VPS13B: variants seen among roughly 807,000 people sequenced by gnomAD.
VPS13B encodes intermembrane lipid transfer protein VPS13B.
In VPS13B, 285 loss-of-function variants were observed where a neutral mutation model predicts 426.4. The observed-to-expected ratio is 0.67, with a 90% confidence interval of 0.61 to 0.74. The LOEUF (loss-of-function observed/expected upper bound fraction) is 0.74, where lower values mean the gene tolerates loss of function less well. Among genes scored for constraint, VPS13B ranks in the 30% least tolerant of loss-of-function variants. The pLI is 0.00. For missense variants in VPS13B, 4,537 were observed against 4,782.6 expected, an observed-to-expected ratio of 0.95 and a Z score of 1.51; for synonymous variants, 1,676 against 1,676.4, an observed-to-expected ratio of 1.00 and a Z score of 0.01.
chr8:99,471,353 C>G (rs1819394301), intron 24 of VPS13B, among the ~76,000 whole-genome samples: 2 of 152,032 alleles, frequency 1.3e-5, no homozygotes, highest in South Asian at 4.1e-4. Flanking sequence ...TACAAGACAA[C>G]TATAGCATTA....
At chr8:99,342,099 TA>T (rs1315280347) in intron 19 of VPS13B, among the ~76,000 whole-genome samples, 6 of 152,230 alleles carry the variant, frequency 3.9e-5, no homozygotes, top group Admixed American at 6.5e-5. Context: ...CTTTATTATT[TA>T]AAAAATTACT....
At chr8:99,840,116 A>C (rs746695646) in intron 54 of VPS13B, among the ~76,000 whole-genome samples, 3 of 152,236 alleles carry the variant, frequency 2.0e-5, no homozygotes, top group Non-Finnish European at 2.9e-5. Context: ...CCCTTTTAAA[A>C]ATCTGGCAGC....
Position 99,384,333 on chromosome 8 carries a change from A to G in VPS13B, c.2934+16A>G, listed in dbSNP as rs765243045. 2 of 1,597,238 alleles carry G rather than the reference A, an allele frequency of 1.3e-6. No individual in the cohort carries two copies. Among genetic ancestry groups the G allele is most frequent in the South Asian group, 1.1e-5 (1 of 90,406 alleles). On this transcript the variant is annotated intron_variant, in intron 20 of 61. Transcript: ENST00000357162. ...TATGCAACAGGTAAGAGATTTTTAA[A>G]TAATTTTTTCTGTTAACAAATATTT... is the stretch of plus-strand genomic sequence containing the variant.
chr8:99,507,050 T>C, intron 27 of VPS13B, 87 bp from the exon 28 acceptor site: 1 of 1,458,048 alleles, frequency 6.9e-7, no homozygotes, highest in Non-Finnish European at 9.6e-7. Context: ...TTGTGAACTT[T>C]AGACTTATTT....
intron 6 of VPS13B, among the ~76,000 whole-genome samples, chr8:99,115,317 G>C (rs565731847): frequency 3.1e-4 from 47 of 151,870 alleles, no homozygotes; most frequent in African/African-American, 1.1e-3. Flanking sequence ...TATTATTCTT[G>C]GTTTTGACAG....
chr8:99,429,865 A>G (rs549925676), intron 21 of VPS13B, among the ~76,000 whole-genome samples: 6 of 152,152 alleles, frequency 3.9e-5, no homozygotes, highest in African/African-American at 1.4e-4. Flanking sequence ...AGTTCCCTCA[A>G]GTAAAAACCA....
rs571480777 is a variant in VPS13B, at chr8:99,014,387, G to A, written c.147+452G>A. Among the ~76,000 whole-genome samples, 88 of 151,594 alleles carry A rather than the reference G, an allele frequency of 5.8e-4. 1 individual carries two copies. The highest frequency in any genetic ancestry group is 2.1e-3 in the African/African-American group (87 of 41,414). On this transcript the variant is annotated intron_variant, in intron 2 of 61. Transcript: ENST00000357162. ...CCCGCCTCAGTCTTCCGAAGTGCTGGGATTATAGGCGTGAGCCACCGCGCC... is the reference window on the plus strand; with the variant it reads ...CCCGCCTCAGTCTTCCGAAGTGCTGAGATTATAGGCGTGAGCCACCGCGCC...
At chr8:99,115,961 T>C (rs534662876) in intron 7 of VPS13B, 87 bp downstream of exon 7, 3 of 1,386,500 alleles carry the variant, frequency 2.2e-6, no homozygotes, top group Non-Finnish European at 3.0e-6. Context: ...ATGTATTAGC[T>C]TGAGTTTTAC....
chr8:99,687,970 A>G (rs948992773), intron 35 of VPS13B, among the ~76,000 whole-genome samples: 2 of 151,984 alleles, frequency 1.3e-5, no homozygotes, highest in African/African-American at 4.8e-5. Flanking sequence ...GAAAATGCTG[A>G]AGCAGTATCC....
rs553600365 is a variant in VPS13B, at chr8:99,212,747, A to G, written c.2515+19690A>G. Among the ~76,000 whole-genome samples the G allele has an allele frequency of 1.1e-4, 16 of 152,218 alleles. No homozygotes were observed. In the South Asian group the frequency reaches 2.9e-3, roughly 28 times the overall value. The stretch of plus-strand genomic sequence containing the variant: ...ATATAGTTTGTCAGGATAAAACCCA[A>G]ACTTCTGAGCATGAAATCAAAAGGT... On this transcript the variant is annotated intron_variant, in intron 17 of 61. Transcript: ENST00000357162.
intron 21 of VPS13B, among the ~76,000 whole-genome samples, chr8:99,427,789 T>C (rs1392427931): frequency 6.6e-6 from 1 of 151,822 alleles, no homozygotes; most frequent in Non-Finnish European, 1.5e-5. Context: ...AAAACTACTT[T>C]AAAGTTCATA....
rs185386424 is a variant in VPS13B at position 99,452,482 on chromosome 8, A to T, written c.3445+9847A>T. On this transcript the variant is annotated intron_variant, in intron 23 of 61. Coordinates refer to ENST00000357162, the MANE Select transcript of VPS13B (RefSeq NM_152564.5). ...ACCATTATTTAGCACAACACATGCC[A>T]CAAAAGGGGAGCTCACTGTACATTC... 8.5e-5 allele frequency among the ~76,000 whole-genome samples: 13 copies of T among 152,268 alleles called. No homozygotes were observed. The East Asian group carries it at 2.5e-3, about 29-fold the overall frequency.
At position 99,447,464 on chromosome 8, in the gene VPS13B, T is replaced by G. The variant is rs189090086; in HGVS notation, c.3445+4829T>G. On this transcript the variant is annotated intron_variant, in intron 23 of 61. Transcript: ENST00000357162. The stretch of plus-strand genomic sequence containing the variant: ...TGCATGCCAGCTTTATCTTTTATTA[T>G]TTTCTGCACTGTGAGTTAGCTTCAG... Among the ~76,000 whole-genome samples the G allele has an allele frequency of 6.6e-5, 10 of 152,312 alleles. No individual in the cohort carries two copies. The East Asian group carries it at 1.9e-3, about 29-fold the overall frequency.
intron 19 of VPS13B, among the ~76,000 whole-genome samples, chr8:99,381,136 A>G (rs1813777662): frequency 6.6e-6 from 1 of 152,106 alleles, no homozygotes; most frequent in Admixed American, 6.6e-5. Context: ...GCTGCCACTA[A>G]TAAGTGAGAA....
intron 24 of VPS13B, among the ~76,000 whole-genome samples, chr8:99,472,257 T>G (rs1364131092): frequency 6.6e-6 from 1 of 152,110 alleles, no homozygotes; most frequent in Non-Finnish European, 1.5e-5. Flanking sequence ...GCACTCACCT[T>G]GATCTAATTG....
chr8:99,333,201 C>A (rs745846874), intron 19 of VPS13B, among the ~76,000 whole-genome samples: 1 of 151,592 alleles, frequency 6.6e-6, no homozygotes, highest in Non-Finnish European at 1.5e-5. Flanking sequence ...TTGTTTTTAT[C>A]TGAAGGGGGT....
At chr8:99,774,471 A>C (rs966762368) in intron 40 of VPS13B, among the ~76,000 whole-genome samples, 1 of 152,246 alleles carries the variant, frequency 6.6e-6, no homozygotes, top group East Asian at 1.9e-4. Flanking sequence ...ATGATGTTTT[A>C]GCAACCTTTT....
intron 30 of VPS13B, among the ~76,000 whole-genome samples, chr8:99,521,810 G>A (rs1026996716): frequency 2.0e-5 from 3 of 152,068 alleles, no homozygotes; most frequent in African/African-American, 7.2e-5. Flanking sequence ...TCTAATTTTG[G>A]TGATTCATTT....
intron 57 of VPS13B, 29 bp downstream of exon 57, chr8:99,859,509 C>CCTT (rs1563513248): frequency 6.2e-7 from 1 of 1,606,118 alleles, no homozygotes; most frequent in East Asian, 2.2e-5. Context: ...TGTAATAATG[C>CCTT]CTTCACTCCT....
Sources: gnomAD v4.1 joint callset for allele counts (sites outside exome capture counted in the v4.1 genomes callset) on GRCh38, gnomAD v4.1.1 for gene constraint, MANE v1.5 for transcripts, NCBI Gene and HGNC (gene_info 2026-07-23, HGNC 2026-07-21) for gene names.